The following LPIN1 variants were observed in gnomAD, a reference collection of about 807,000 sequenced individuals.
LPIN1 encodes the protein phosphatidate phosphatase LPIN1.
Under a neutral mutation model 107.5 loss-of-function variants are expected in LPIN1, and 71 were observed. That is an observed-to-expected ratio of 0.66 (90% CI 0.55 to 0.80). LPIN1 has a LOEUF of 0.80. LPIN1 is among the 30% of genes least tolerant of loss of function. The probability of loss-of-function intolerance (pLI) is 0.00; values close to 1 mark genes in which losing one functional copy is unlikely to be tolerated. For missense variants in LPIN1, 1,043 were observed against 1,160.6 expected, an observed-to-expected ratio of 0.90 and a Z score of 1.47; for synonymous variants, 445 against 452.6, an observed-to-expected ratio of 0.98 and a Z score of 0.21.
In LPIN1 at chr2:11,819,586, A is replaced by T. The variant is rs1681179553; in HGVS notation, c.2505A>T (p.Gly835=). 1 of 1,613,388 alleles carries T rather than the reference A, an allele frequency of 6.2e-7. No homozygotes were observed. Among genetic ancestry groups the T allele is most frequent in the African/African-American group, 1.3e-5 (1 of 74,926 alleles). The change falls in exon 19 of 21, where the codon GGA becomes GGT. Residue 835 remains glycine (G), a synonymous_variant. Coordinates refer to ENST00000674199, the MANE Select transcript of LPIN1 (RefSeq NM_001349206.2). ...CAGAACCCTTTTATGCTGCTTTTGGAAACCGACCAGCTGTAAGTAGTAGAT... is the reference window on the plus strand; with the variant it reads ...CAGAACCCTTTTATGCTGCTTTTGGTAACCGACCAGCTGTAAGTAGTAGAT... ...PNTEPFYAAF[G]NRPADVYSYK...
rs1681294604 is a variant in LPIN1, at chr2:11,820,313, G to T, written c.2518-98G>T. ...ACTTTGAGGTAGAGCTCTGGTTAAT[G>T]AAAATTTGATATCTCATCAAATCAG... On this transcript the variant is annotated intron_variant, in intron 19 of 20. Coordinates refer to ENST00000674199, the MANE Select transcript of LPIN1 (RefSeq NM_001349206.2). 9 of 797,434 alleles carry T rather than the reference G, an allele frequency of 1.1e-5. No individual in the cohort carries two copies. The South Asian group carries it at 1.3e-4, about 11-fold the overall frequency. The allele number at this position is 797,434 out of a possible 1,614,324, so 49.4% of individuals were successfully genotyped here.
At chr2:11,823,716 G>A (rs905332453) in intron 20 of LPIN1, among the ~76,000 whole-genome samples, 1 of 152,176 alleles carries the variant, frequency 6.6e-6, no homozygotes, top group Non-Finnish European at 1.5e-5. Flanking sequence ...CTGGAGGTCT[G>A]AACATGCATA....
chr2:11,811,378 T>C (rs1679620043), intron 17 of LPIN1, among the ~76,000 whole-genome samples: 2 of 152,230 alleles, frequency 1.3e-5, no homozygotes, highest in Non-Finnish European at 2.9e-5. Flanking sequence ...CTTGTTGGCA[T>C]TGCAGACAGC....
chr2:11,691,490 C>T (rs1356809626), intron 1 of LPIN1, among the ~76,000 whole-genome samples: 1 of 152,180 alleles, frequency 6.6e-6, no homozygotes, highest in African/African-American at 2.4e-5. Flanking sequence ...CAGGTGCTGA[C>T]CTCCAGCCAT....
intron 6 of LPIN1, 125 bp from the exon 7 acceptor site, chr2:11,779,394 C>T (rs1310502648): frequency 9.6e-7 from 1 of 1,042,702 alleles, no homozygotes; most frequent in South Asian, 1.3e-5. Context: ...TGTCATGAGG[C>T]TCCGCTCAGA....
chr2:11,739,565 G>A (rs1056622543), intron 1 of LPIN1, among the ~76,000 whole-genome samples: 1 of 152,188 alleles, frequency 6.6e-6, no homozygotes, highest in African/African-American at 2.4e-5. Flanking sequence ...GGCTGTTCTG[G>A]ATCTGCCGTA....
Position 11,774,123 on chromosome 2 carries a change from C to T in LPIN1, c.722+378C>T, listed in dbSNP as rs1672300188. The stretch of plus-strand genomic sequence containing the variant: ...CAGGAGCTGCTGAGGTCGTTCAGGG[C>T]TATTAGAATGGTGCCTCCGCCACAC... On this transcript the variant is annotated intron_variant, in intron 5 of 20. Transcript: ENST00000674199. This position sits in a 1 kb window ranked among gnomAD's most constrained non-coding sequence, Gnocchi z 4.4. 6.6e-6 allele frequency among the ~76,000 whole-genome samples: 1 copy of T among 152,210 alleles called. No homozygotes were observed. The highest frequency in any genetic ancestry group is 1.5e-5 in the Non-Finnish European group (1 of 68,052).
intron 14 of LPIN1, among the ~76,000 whole-genome samples, chr2:11,799,370 A>T (rs1677284355): frequency 6.6e-6 from 1 of 151,332 alleles, no homozygotes; most frequent in African/African-American, 2.4e-5. Flanking sequence ...TTTGGATCTC[A>T]TTTCACTCCA....
chr2:11,759,179 TTCTTTC>T, intron 1 of LPIN1, among the ~76,000 whole-genome samples: 1 of 149,436 alleles, frequency 6.7e-6, no homozygotes, highest in South Asian at 2.1e-4. Context: ...CTTTCTTTCT[TTCTTTC>T]TTTCTTTTCT....
intron 2 of LPIN1, among the ~76,000 whole-genome samples, chr2:11,714,815 C>T (rs1424942528): frequency 2.0e-5 from 3 of 152,178 alleles, no homozygotes; most frequent in Admixed American, 2.0e-4. Context: ...CTCGAGGAGC[C>T]CACAGTTAGA....
At chr2:11,693,939 A>G (rs1055462178) in intron 1 of LPIN1, among the ~76,000 whole-genome samples, 2 of 141,306 alleles carry the variant, frequency 1.4e-5, no homozygotes, top group Admixed American at 1.5e-4. Flanking sequence ...GGTTCAAGTG[A>G]TTCTCCTGCC....
Position 11,765,636 on chromosome 2 carries a change from ACAT to A in LPIN1, c.99_101del (p.Ile34del). On this transcript the variant is annotated inframe_deletion, in exon 2 of 21. Coordinates refer to ENST00000674199, the MANE Select transcript of LPIN1 (RefSeq NM_001349206.2). This position sits in a 1 kb window ranked among gnomAD's most constrained non-coding sequence, Gnocchi z 4.4. ...CCCGCCACACTCTCAGGGTGCATTG[ACAT>A]CATTGTCATCCGCCAGCCCAATGGA... The A allele has an allele frequency of 6.2e-7, 1 of 1,614,110 alleles. No homozygotes were observed. Among genetic ancestry groups the A allele is most frequent in the Non-Finnish European group, 8.5e-7 (1 of 1,179,996 alleles).
At chr2:11,787,596 C>T (rs1008876930) in intron 11 of LPIN1, among the ~76,000 whole-genome samples, 10 of 151,918 alleles carry the variant, frequency 6.6e-5, no homozygotes, top group African/African-American at 2.4e-4. Context: ...AATAGTCACA[C>T]TCTGCAGTAC....
rs549750060 is a variant in LPIN1, at chr2:11,685,797, T to A, written c.81+8069T>A. Among the ~76,000 whole-genome samples, 39 of 152,356 alleles carry A rather than the reference T, an allele frequency of 2.6e-4. 2 individuals are homozygous for A. In the South Asian group the frequency reaches 7.9e-3, roughly 31 times the overall value. ...TTGAACTTCCCTTTGCATTTAGATT[T>A]GGAATACACTTGGTCTTGTTTCTCG... On this transcript the variant is annotated intron_variant, in intron 1 of 21. Coordinates refer to the LPIN1 transcript ENST00000449576.
intron 10 of LPIN1, among the ~76,000 whole-genome samples, chr2:11,785,807 G>A (rs941132347): frequency 2.0e-5 from 3 of 152,230 alleles, no homozygotes; most frequent in African/African-American, 7.2e-5. Context: ...CTCCACCCTG[G>A]TCCCTTCAAG....
rs1662643383 is a variant in LPIN1, at chr2:11,697,416, G to A, written c.82-16340G>A. Among the ~76,000 whole-genome samples, 1 of 152,216 alleles carries A rather than the reference G, an allele frequency of 6.6e-6. No homozygotes were observed. Among genetic ancestry groups the A allele is most frequent in the African/African-American group, 2.4e-5 (1 of 41,460 alleles). ...GAGGAACAGGAAGCAGCCCCCGTGG[G>A]CCACTGTGGGGCTGCACCAGGAGCT... is the stretch of plus-strand genomic sequence containing the variant. On this transcript the variant is annotated intron_variant, in intron 1 of 21. Coordinates refer to the LPIN1 transcript ENST00000449576. This position sits in a 1 kb window ranked among gnomAD's most constrained non-coding sequence, Gnocchi z 4.6.
At chr2:11,795,616 C>T in intron 14 of LPIN1, 129 bp downstream of exon 14, 5 of 866,474 alleles carry the variant, frequency 5.8e-6, no homozygotes, top group East Asian at 5.1e-5. Context: ...ACTTGGTGAC[C>T]TGGAGCAATT....
At chr2:11,777,036 A>G (rs1672779187) in intron 6 of LPIN1, among the ~76,000 whole-genome samples, 1 of 152,240 alleles carries the variant, frequency 6.6e-6, no homozygotes, top group Non-Finnish European at 1.5e-5. Flanking sequence ...AAAAATACTG[A>G]AAACTTTGAT....
In LPIN1 at chr2:11,785,054, C is replaced by G; in HGVS notation, c.1527C>G (p.Ser509Arg). The G allele has an allele frequency of 6.3e-7, 1 of 1,590,772 alleles. No individual in the cohort carries two copies. The highest frequency in any genetic ancestry group is 8.5e-7 in the Non-Finnish European group (1 of 1,170,582). ...SIAISLCGGL[S>R]DHREITKDAF... is the part of the protein sequence containing the mutation. ...CCATCTCCCTCTGCGGGGGCCTCAGCGACCACCGGGAGATCACGAAAGGTA... is the reference window on the plus strand; with the variant it reads ...CCATCTCCCTCTGCGGGGGCCTCAGGGACCACCGGGAGATCACGAAAGGTA... The change falls in exon 10 of 21, where the codon AGC (serine) becomes AGG (arginine). Residue 509 changes from serine (S) to arginine (R), a missense_variant. Transcript: ENST00000674199.
Sources: allele counts gnomAD v4.1 joint callset (sites outside exome capture counted in the v4.1 genomes callset), GRCh38; gene constraint gnomAD v4.1.1; non-coding constraint Gnocchi (gnomAD v3.1); transcripts MANE v1.5; gene names NCBI Gene and HGNC (gene_info 2026-07-23, HGNC 2026-07-21).